MYO16: variants seen among roughly 807,000 people sequenced by gnomAD.
The protein encoded by MYO16 is unconventional myosin-XVI.
In MYO16, 94 loss-of-function variants were observed where a neutral mutation model predicts 205.3. That is an observed-to-expected ratio of 0.46 (90% CI 0.39 to 0.54). The LOEUF (loss-of-function observed/expected upper bound fraction) is 0.54. MYO16 is among the 20% of genes least tolerant of loss of function. The pLI is 0.00. For missense variants in MYO16, 2,315 were observed against 2,387.5 expected, an observed-to-expected ratio of 0.97 and a Z score of 0.63; for synonymous variants, 988 against 954.0, an observed-to-expected ratio of 1.04 and a Z score of -0.66.
At chr13:108,877,084 G>A (rs144308628) in intron 12 of MYO16, among the ~76,000 whole-genome samples, 54 of 152,148 alleles carry the variant, frequency 3.5e-4, no homozygotes, top group Admixed American at 6.5e-5. Context: ...TTCTTGTAAC[G>A]ACACACAACC....
At chr13:108,681,965 T>C (rs1882481999) in intron 2 of MYO16, among the ~76,000 whole-genome samples, 1 of 152,184 alleles carries the variant, frequency 6.6e-6, no homozygotes, top group Admixed American at 6.5e-5. Flanking sequence ...ATCCTCCTCA[T>C]CTGAGAACTT....
intron 3 of MYO16, among the ~76,000 whole-genome samples, chr13:108,715,427 C>A (rs1883903455): frequency 6.6e-6 from 1 of 152,150 alleles, no homozygotes; most frequent in Admixed American, 6.5e-5. Flanking sequence ...ACACTTGTCA[C>A]CAAACCCATC....
the MYO16 span, among the ~76,000 whole-genome samples, chr13:108,499,660 G>T: frequency 6.6e-6 from 1 of 152,124 alleles, no homozygotes; most frequent in South Asian, 2.1e-4. Flanking sequence ...GGAAGTTTAG[G>T]TTTACACTCT....
chr13:108,987,717 T>C (rs1202091801), intron 20 of MYO16, among the ~76,000 whole-genome samples: 1 of 152,178 alleles, frequency 6.6e-6, no homozygotes, highest in Non-Finnish European at 1.5e-5. Context: ...AGGGTTTTTG[T>C]GCCAAGCAGG....
chr13:108,577,500 C>T, the MYO16 span, among the ~76,000 whole-genome samples: 6 of 152,284 alleles, frequency 3.9e-5, no homozygotes, highest in Non-Finnish European at 7.4e-5. Flanking sequence ...TAATTTCTGT[C>T]TCTCTCCTCC....
rs756920465 is a variant in MYO16, at chr13:108,888,376, G to A, written c.1558G>A (p.Glu520Lys). ...QRPQCFILSGERGSGKSEASK... is the reference protein window; with the variant it reads ...QRPQCFILSGKRGSGKSEASK... ...TTTCCTCTCTGTTTTCCTTAGTGGAGAAAGGGGATCAGGAAAGTCTGAAGC... is the reference window on the plus strand; with the variant it reads ...TTTCCTCTCTGTTTTCCTTAGTGGAAAAAGGGGATCAGGAAAGTCTGAAGC... Residue 520 changes from glutamate (E) to lysine (K), a missense_variant, in exon 14 of 35, where the codon GAA (glutamate) becomes AAA (lysine). Around this residue, in one of 3 missense-constraint regions of MYO16, gnomAD observed 1,213 missense variants for 1,274.4 expected, o/e 0.95. Coordinates refer to ENST00000457511, the MANE Select transcript of MYO16 (RefSeq NM_001198950.3). 3.1e-6 allele frequency: 5 copies of A among 1,593,580 alleles called. No individual in the cohort carries two copies. The South Asian group carries it at 4.6e-5, about 15-fold the overall frequency.
At chr13:108,991,450 G>A (rs1156452333) in intron 20 of MYO16, among the ~76,000 whole-genome samples, 3 of 152,168 alleles carry the variant, frequency 2.0e-5, no homozygotes, top group African/African-American at 7.2e-5. Flanking sequence ...AATTACTTCT[G>A]GAAGAACTTT....
At chr13:108,943,878 A>G (rs1424431935) in intron 16 of MYO16, among the ~76,000 whole-genome samples, 4 of 152,206 alleles carry the variant, frequency 2.6e-5, no homozygotes, top group Admixed American at 2.6e-4. Context: ...AGCCACCGCC[A>G]CCGGCTTTGT....
chr13:109,054,959 C>A, intron 25 of MYO16, 87 bp from the exon 26 acceptor site: 2 of 714,960 alleles, frequency 2.8e-6, no homozygotes, highest in South Asian at 2.1e-5. Flanking sequence ...CCCTTCCCTT[C>A]CCCTTCCTCC....
chr13:108,674,483 G>A (rs1882119190), intron 2 of MYO16, among the ~76,000 whole-genome samples: 1 of 152,182 alleles, frequency 6.6e-6, no homozygotes, highest in South Asian at 2.1e-4. Flanking sequence ...CAGGGGTGGT[G>A]ATGGCGTTTT....
At chr13:108,556,592 C>T in the MYO16 span, among the ~76,000 whole-genome samples, 2 of 152,268 alleles carry the variant, frequency 1.3e-5, no homozygotes, top group Non-Finnish European at 2.9e-5. Context: ...TGTCTCTTCA[C>T]TCTATTGATT....
intron 25 of MYO16, among the ~76,000 whole-genome samples, chr13:109,053,260 G>C (rs1404774868): frequency 6.6e-6 from 1 of 152,014 alleles, no homozygotes; most frequent in African/African-American, 2.4e-5. Flanking sequence ...TAAAATAAAA[G>C]CATAATTAAA....
chr13:109,095,717 A>G lies in MYO16; in HGVS notation c.3336-5068A>G, dbSNP rs557019797. On this transcript the variant is annotated intron_variant, in intron 27 of 34. Transcript: ENST00000457511. ...AACAAATTTCCAGAATGAGACAATTATGAGAGAGAATTAAAAAAATAACTT... is the reference window on the plus strand; with the variant it reads ...AACAAATTTCCAGAATGAGACAATTGTGAGAGAGAATTAAAAAAATAACTT... 3.9e-4 allele frequency among the ~76,000 whole-genome samples: 59 copies of G among 152,362 alleles called. No homozygotes were observed. In the South Asian group the frequency reaches 0.011, roughly 29 times the overall value.
At chr13:109,157,127 C>T (rs190912873) in intron 32 of MYO16, among the ~76,000 whole-genome samples, 1 of 151,808 alleles carries the variant, frequency 6.6e-6, no homozygotes, top group East Asian at 2.0e-4. Flanking sequence ...CAGCTTCCTC[C>T]TGCCTTTCCA....
Position 109,113,065 on chromosome 13 carries a change from A to AT in MYO16, c.3439-7303dup, listed in dbSNP as rs1469355861. On this transcript the variant is annotated intron_variant, in intron 28 of 34. Transcript: ENST00000457511. ...GATGTACTACTGTAATTGATTTATTATTATAAGATACACACTAAACAGGAG... is the reference window on the plus strand; with the variant it reads ...GATGTACTACTGTAATTGATTTATTATTTATAAGATACACACTAAACAGGAG... Among the ~76,000 whole-genome samples, 15 of 152,372 alleles carry AT rather than the reference A, an allele frequency of 9.8e-5. No individual in the cohort carries two copies. In the East Asian group the frequency reaches 2.7e-3, roughly 27 times the overall value.
intron 15 of MYO16, among the ~76,000 whole-genome samples, chr13:108,900,217 T>C (rs538979730): frequency 6.6e-6 from 1 of 152,212 alleles, no homozygotes; most frequent in Non-Finnish European, 1.5e-5. Context: ...TATGTACACA[T>C]ATTAAAAAGA....
intron 1 of MYO16, among the ~76,000 whole-genome samples, chr13:108,621,563 A>G (rs943290820): frequency 3.3e-5 from 5 of 152,150 alleles, no homozygotes; most frequent in Non-Finnish European, 7.4e-5. Flanking sequence ...TTGTATAAGC[A>G]CTACATGCTT....
At chr13:108,866,143 G>T in intron 11 of MYO16, 34 bp from the exon 12 acceptor site, 1 of 1,393,536 alleles carries the variant, frequency 7.2e-7, no homozygotes, top group South Asian at 1.5e-5. Context: ...CTATTTATAT[G>T]ACTCATGAAC....
intron 27 of MYO16, among the ~76,000 whole-genome samples, chr13:109,060,275 C>G (rs1887548695): frequency 6.6e-6 from 1 of 152,102 alleles, no homozygotes; most frequent in Non-Finnish European, 1.5e-5. Flanking sequence ...GAAATTGTGA[C>G]ACATATACAC....
Sources: allele counts gnomAD v4.1 joint callset (sites outside exome capture counted in the v4.1 genomes callset), GRCh38; gene constraint gnomAD v4.1.1; regional missense constraint gnomAD v4.1.1; transcripts MANE v1.5; gene names NCBI Gene and HGNC (gene_info 2026-07-23, HGNC 2026-07-21).